The following ZBTB44 variants were observed in gnomAD, a reference collection of about 807,000 sequenced individuals.
ZBTB44 encodes the protein zinc finger and BTB domain-containing protein 44.
In ZBTB44, 15 loss-of-function variants were observed where a neutral mutation model predicts 54.0. The observed-to-expected ratio is 0.28, with a 90% CI of 0.19 to 0.43. The LOEUF is 0.43. Among genes scored for constraint, ZBTB44 ranks in the 20% least tolerant of loss-of-function variants. The pLI is 1.00. For synonymous variants in ZBTB44, 230 were observed against 250.1 expected, an observed-to-expected ratio of 0.92 and a Z score of 0.76; for missense variants, 487 against 707.1, an observed-to-expected ratio of 0.69 and a Z score of 3.53.
intron 1 of ZBTB44, among the ~76,000 whole-genome samples, chr11:130,268,264 A>G (rs1001257461): frequency 6.6e-6 from 1 of 151,390 alleles, no homozygotes; most frequent in Admixed American, 6.6e-5. Context: ...GTAGGGGAAG[A>G]AAGATTCAAC....
At chr11:130,297,842 G>A (rs1022171551) in intron 1 of ZBTB44, among the ~76,000 whole-genome samples, 1 of 152,158 alleles carries the variant, frequency 6.6e-6, no homozygotes, top group South Asian at 2.1e-4. Context: ...ACTAATACAT[G>A]TTGCTTTTTA....
intron 2 of ZBTB44, among the ~76,000 whole-genome samples, chr11:130,254,480 AT>A (rs1378176454): frequency 6.6e-6 from 1 of 152,270 alleles, no homozygotes; most frequent in Non-Finnish European, 1.5e-5. Context: ...AAAAATGCTT[AT>A]CATCACTGGC....
In ZBTB44 at chr11:130,261,111, C is replaced by T. The variant is rs1484229509; in HGVS notation, c.763G>A (p.Glu255Lys). Residue 255 changes from glutamate to lysine, a missense_variant, in exon 2 of 8, where the codon GAA (glutamate) becomes AAA (lysine). Around this residue, in one of 3 missense-constraint regions of ZBTB44, gnomAD observed 277 missense variants for 306.5 expected, o/e 0.90. Coordinates refer to ENST00000357899, the MANE Select transcript of ZBTB44 (RefSeq NM_001301098.2). This position sits in a 1 kb window ranked among gnomAD's most constrained non-coding sequence, Gnocchi z 4.8. ...CCGGTCTCAGATGGGCCAGGTAATT[C>T]TAAAGTCCGGGTATTTTCTGCTTGC... ...VKQAENTRTL[E>K]LPGPSETGRR... The T allele has an allele frequency of 3.7e-6, 6 of 1,613,868 alleles. No homozygotes were observed. The highest frequency in any genetic ancestry group is 1.7e-5 in the Admixed American group (1 of 59,992).
chr11:130,266,564 T>A (rs1179618144), intron 1 of ZBTB44, among the ~76,000 whole-genome samples: 1 of 152,238 alleles, frequency 6.6e-6, no homozygotes, highest in Non-Finnish European at 1.5e-5. Context: ...AAAAGATTCA[T>A]CATTCTAGAT....
At chr11:130,312,747 C>G (rs1942687680) in intron 1 of ZBTB44, among the ~76,000 whole-genome samples, 1 of 152,210 alleles carries the variant, frequency 6.6e-6, no homozygotes, top group Non-Finnish European at 1.5e-5. Flanking sequence ...TCTTGACTGA[C>G]TACAACTGGG....
In ZBTB44 at chr11:130,228,243, A is replaced by T. The variant is rs1319414113; in HGVS notation, c.*3521T>A. On this transcript the variant is annotated 3_prime_UTR_variant, in exon 8 of 8. Transcript: ENST00000357899. ...CTCTATTAGGGACCGTTGCTTTTTT[A>T]AAAAATACCTTGAGATATAAGCATT... is the stretch of plus-strand genomic sequence containing the variant. 6.6e-6 allele frequency: 1 copy of T among 152,194 alleles called. No individual in the cohort carries two copies. Among genetic ancestry groups the T allele is most frequent in the African/African-American group, 2.4e-5 (1 of 41,442 alleles). 9.4% of individuals were successfully genotyped at this position (152,194 alleles called of 1,614,324 possible).
chr11:130,245,257 C>T (rs966188898), intron 2 of ZBTB44, among the ~76,000 whole-genome samples: 16 of 152,278 alleles, frequency 1.1e-4, no homozygotes, highest in Admixed American at 7.2e-4. Context: ...CCTATGTCTA[C>T]TTATGCAAGT....
At chr11:130,294,844 C>A (rs1255967735) in intron 1 of ZBTB44, among the ~76,000 whole-genome samples, 2 of 152,136 alleles carry the variant, frequency 1.3e-5, no homozygotes, top group Non-Finnish European at 2.9e-5. Context: ...CTATCTTATT[C>A]ATCCATTTGG....
rs1406312514 is a variant in ZBTB44, at chr11:130,304,835, C to T, written c.-57+9540G>A. On this transcript the variant is annotated intron_variant, in intron 1 of 7. Transcript: ENST00000357899. ...AAACTGTTGCTGTTTGCTGATGATACAAACTTATACCTAGAAAACCCTCAA... is the reference window on the plus strand; with the variant it reads ...AAACTGTTGCTGTTTGCTGATGATATAAACTTATACCTAGAAAACCCTCAA... 5.3e-5 allele frequency among the ~76,000 whole-genome samples: 8 copies of T among 152,006 alleles called. No individual in the cohort carries two copies. In the East Asian group the frequency reaches 1.5e-3, roughly 29 times the overall value.
At chr11:130,313,592 G>A (rs921939511) in intron 1 of ZBTB44, among the ~76,000 whole-genome samples, 1 of 152,176 alleles carries the variant, frequency 6.6e-6, no homozygotes, top group African/African-American at 2.4e-5. Context: ...TCCGGTATCA[G>A]CCGATCTCCA....
intron 1 of ZBTB44, chr11:130,310,313 T>C (rs889048964): frequency 6.6e-6 from 1 of 152,192 alleles, no homozygotes; most frequent in African/African-American, 2.4e-5. Context: ...GGCATCAACA[T>C]GGTGACCTCC....
intron 1 of ZBTB44, among the ~76,000 whole-genome samples, chr11:130,304,880 T>A (rs1283295044): frequency 6.6e-6 from 1 of 152,176 alleles, no homozygotes. Flanking sequence ...GAAAAGCTCC[T>A]AGATCTGATA....
intron 1 of ZBTB44, among the ~76,000 whole-genome samples, chr11:130,272,657 CA>C (rs1032725030): frequency 6.6e-6 from 1 of 150,670 alleles, no homozygotes; most frequent in African/African-American, 2.4e-5. Flanking sequence ...AATTCCTTGC[CA>C]AATACAAAGT....
Position 130,295,854 on chromosome 11 carries a change from T to C in ZBTB44, c.-57+18521A>G, listed in dbSNP as rs1327382259. 7.1e-6 allele frequency: 10 copies of C among 1,409,880 alleles called. No individual in the cohort carries two copies. The East Asian group carries it at 1.6e-4, about 23-fold the overall frequency. 87.3% of individuals were successfully genotyped at this position (1,409,880 alleles called of 1,614,324 possible). ...GAGAATTAGCCATGCAAATTTTTGG[T>C]GTTCTTAAGGAGCTAAAGACTCACC... On this transcript the variant is annotated intron_variant, in intron 1 of 7. Coordinates refer to ENST00000357899, the MANE Select transcript of ZBTB44 (RefSeq NM_001301098.2).
intron 1 of ZBTB44, among the ~76,000 whole-genome samples, chr11:130,287,935 A>G (rs1941063952): frequency 1.3e-5 from 2 of 151,630 alleles, no homozygotes; most frequent in African/African-American, 2.4e-5. Flanking sequence ...TTAAGACAAC[A>G]TAGTTTTCAA....
At chr11:130,286,072 T>TA (rs1418621536) in intron 1 of ZBTB44, among the ~76,000 whole-genome samples, 1 of 152,202 alleles carries the variant, frequency 6.6e-6, no homozygotes, top group African/African-American at 2.4e-5. Flanking sequence ...ACTACACAAC[T>TA]AAAAAGATTG....
rs536071113 is a variant in ZBTB44, at chr11:130,262,109, A to G, written c.-56-180T>C. ...CCTTATCTGCCTTCCAAACTGTCCA[A>G]TCAGTGAAGTCTGTGAACCAATGTT... is the stretch of plus-strand genomic sequence containing the variant. On this transcript the variant is annotated intron_variant, in intron 1 of 7. Coordinates refer to ENST00000357899, the MANE Select transcript of ZBTB44 (RefSeq NM_001301098.2). Among the ~76,000 whole-genome samples, 21 of 152,224 alleles carry G rather than the reference A, an allele frequency of 1.4e-4. 1 individual carries two copies. The South Asian group carries it at 4.2e-3, about 30-fold the overall frequency.
intron 2 of ZBTB44, among the ~76,000 whole-genome samples, chr11:130,257,344 G>A (rs766458419): frequency 6.6e-6 from 1 of 151,826 alleles, no homozygotes; most frequent in Non-Finnish European, 1.5e-5. Flanking sequence ...AAGTTAAGAT[G>A]AGGTCATGCT....
intron 1 of ZBTB44, among the ~76,000 whole-genome samples, chr11:130,283,035 CTTTTTTTTTTTTTT>C (rs531030883): frequency 9.8e-5 from 10 of 102,416 alleles, no homozygotes; most frequent in African/African-American, 3.9e-4. Context: ...CCATTCTAAC[CTTTTTTTTTTTTTT>C]TTTTTTTTTT....
Sources: gnomAD v4.1 joint callset for allele counts (sites outside exome capture counted in the v4.1 genomes callset) on GRCh38, gnomAD v4.1.1 for gene constraint, gnomAD v4.1.1 regional missense constraint, Gnocchi (gnomAD v3.1) non-coding constraint, MANE v1.5 for transcripts, NCBI Gene and HGNC (gene_info 2026-07-23, HGNC 2026-07-21) for gene names.